The following TTYH2 variants were observed in gnomAD, a reference collection of about 807,000 sequenced individuals.
TTYH2 encodes the protein protein tweety homolog 2.
A neutral mutation model predicts 68.3 loss-of-function variants in TTYH2; 49 were observed. The observed-to-expected ratio is 0.72, with a 90% CI of 0.57 to 0.91. TTYH2 has a LOEUF of 0.91. TTYH2 is among the 40% of genes least tolerant of loss of function. The probability of loss-of-function intolerance (pLI) is 0.00; values close to 1 mark genes in which losing one functional copy is unlikely to be tolerated. For synonymous variants in TTYH2, 272 were observed against 300.8 expected (o/e 0.90, Z 0.99); for missense variants, 631 against 700.4 (o/e 0.90, Z 1.12).
chr17:74,249,091 ACT>A lies in TTYH2; in HGVS notation c.874+15_874+16del. 6.2e-7 allele frequency: 1 copy of A among 1,613,522 alleles called. No individual in the cohort carries two copies. The highest frequency in any genetic ancestry group is 8.5e-7 in the Non-Finnish European group (1 of 1,179,884). ...GCCAGATCAGCACAGGTAACTACAC[ACT>A]CTCAGGCTGCTGCTGTGGATGCATA... is the stretch of plus-strand genomic sequence containing the variant. On this transcript the variant is annotated intron_variant, in intron 7 of 13. Coordinates refer to ENST00000269346, the MANE Select transcript of TTYH2 (RefSeq NM_032646.6).
At position 74,253,804 on chromosome 17, in the gene TTYH2, C is replaced by T; in HGVS notation, c.1495C>T (p.Leu499=). The T allele has an allele frequency of 6.2e-7, 1 of 1,614,248 alleles. No homozygotes were observed. The highest frequency in any genetic ancestry group is 8.5e-7 in the Non-Finnish European group (1 of 1,180,036). ...GAACCCACGCTACGAGAACGTGCCA[C>T]TAATCGGGAGAGCCTCCCCTCCGCC... The part of the protein sequence containing the change: ...GRNPRYENVP[L]IGRASPPPTY... The change falls in exon 13 of 14, where the codon CTA becomes TTA. Residue 499 remains leucine, a synonymous_variant. Coordinates refer to ENST00000269346, the MANE Select transcript of TTYH2 (RefSeq NM_032646.6).
intron 13 of TTYH2, among the ~76,000 whole-genome samples, chr17:74,259,511 A>G (rs2050726250): frequency 6.6e-6 from 1 of 152,146 alleles, no homozygotes; most frequent in Non-Finnish European, 1.5e-5. Context: ...CACCACCGTT[A>G]TGTGCATTTT....
At chr17:74,227,132 G>A (rs2050338636) in intron 2 of TTYH2, among the ~76,000 whole-genome samples, 1 of 152,104 alleles carries the variant, frequency 6.6e-6, no homozygotes, top group African/African-American at 2.4e-5. Flanking sequence ...TCGCCACCAT[G>A]CCCCGCTAAT....
At chr17:74,221,300 G>T (rs1200180203) in intron 1 of TTYH2, among the ~76,000 whole-genome samples, 2 of 152,212 alleles carry the variant, frequency 1.3e-5, no homozygotes, top group Admixed American at 6.5e-5. Context: ...CTGTCCCCCT[G>T]GAAAATGGCC....
At chr17:74,252,418 G>A (rs1326471661) in intron 11 of TTYH2, 42 bp downstream of exon 11, 1 of 1,601,824 alleles carries the variant, frequency 6.2e-7, no homozygotes, top group Admixed American at 1.7e-5. Flanking sequence ...ACAGCCTGGA[G>A]TTCTGGGAGA....
At position 74,217,788 on chromosome 17, in the gene TTYH2, G is replaced by A. The variant is rs992667201; in HGVS notation, c.129+4072G>A. Among the ~76,000 whole-genome samples, 7 of 152,168 alleles carry A rather than the reference G, an allele frequency of 4.6e-5. No homozygotes were observed. In the South Asian group the frequency reaches 8.3e-4, roughly 18 times the overall value. ...TGGGTCCCGCTGCCATGGTCACTGCGGCCCCCAACTTGGGTCCCAGCTTGG... is the reference window on the plus strand; with the variant it reads ...TGGGTCCCGCTGCCATGGTCACTGCAGCCCCCAACTTGGGTCCCAGCTTGG... On this transcript the variant is annotated intron_variant, in intron 1 of 13. Coordinates refer to ENST00000269346, the MANE Select transcript of TTYH2 (RefSeq NM_032646.6). This position sits in a 1 kb window ranked among gnomAD's most constrained non-coding sequence, Gnocchi z 4.0.
At chr17:74,221,319 C>T (rs2050273521) in intron 1 of TTYH2, among the ~76,000 whole-genome samples, 1 of 152,200 alleles carries the variant, frequency 6.6e-6, no homozygotes, top group Non-Finnish European at 1.5e-5. Context: ...CCCCAAAGCC[C>T]CAGACTGCAG....
In TTYH2 at chr17:74,222,587, G is replaced by A. The variant is rs2050287175; in HGVS notation, c.232G>A (p.Ala78Thr). 4.3e-6 allele frequency: 7 copies of A among 1,612,440 alleles called. No homozygotes were observed. The highest frequency in any genetic ancestry group is 5.9e-6 in the Non-Finnish European group (7 of 1,180,018). Residue 78 changes from alanine to threonine, a missense_variant, in exon 2 of 14, where the codon GCG becomes ACG. Transcript: ENST00000269346. This position sits in a 1 kb window ranked among gnomAD's most constrained non-coding sequence, Gnocchi z 5.2. Reference sequence around the variant, plus strand: ...TGCATGCCACTGCCGGCGGGACGATGCGGTGCAGACCAAGCAGCACCACTC... The same window carrying A: ...TGCATGCCACTGCCGGCGGGACGATACGGTGCAGACCAAGCAGCACCACTC... ...VCACHCRRDDAVQTKQHHSCC... is the reference protein window; with the variant it reads ...VCACHCRRDDTVQTKQHHSCC...
At chr17:74,252,964 G>A in intron 11 of TTYH2, 117 bp from the exon 12 acceptor site, 1 of 1,083,052 alleles carries the variant, frequency 9.2e-7, no homozygotes, top group Non-Finnish European at 1.4e-6. Context: ...GGAGTCTCAA[G>A]GAGACACGCG....
At chr17:74,216,115 A>G (rs1022071237) in intron 1 of TTYH2, among the ~76,000 whole-genome samples, 4 of 152,366 alleles carry the variant, frequency 2.6e-5, no homozygotes, top group South Asian at 2.1e-4. Context: ...AGAGTCCCAT[A>G]GCACATAACA....
At position 74,213,831 on chromosome 17, in the gene TTYH2, G is replaced by A. The variant is rs1025215444; in HGVS notation, c.129+115G>A. ...TGCCTCTCAGACCCCTTCTCTCCCC[G>A]CGCAGCCCTTTCCCGTCTCCCCTCT... On this transcript the variant is annotated intron_variant, in intron 1 of 13. Coordinates refer to ENST00000269346, the MANE Select transcript of TTYH2 (RefSeq NM_032646.6). This position sits in a 1 kb window ranked among gnomAD's most constrained non-coding sequence, Gnocchi z 6.1. The A allele has an allele frequency of 1.5e-6, 2 of 1,331,584 alleles. No homozygotes were observed. Among genetic ancestry groups the A allele is most frequent in the South Asian group, 1.4e-5 (1 of 70,414 alleles). 82.5% of individuals were successfully genotyped at this position (1,331,584 alleles called of 1,614,324 possible). A position where few individuals can be genotyped will look rare whatever the true frequency, so the allele number is the denominator to read the frequency against.
In TTYH2 at chr17:74,237,143, G is replaced by T. The variant is rs149761683; in HGVS notation, c.415-151G>T. The T allele has an allele frequency of 4.2e-6, 3 of 715,662 alleles. No homozygotes were observed. The East Asian group carries it at 8.1e-5, about 19-fold the overall frequency. 44.3% of individuals were successfully genotyped at this position (715,662 alleles called of 1,614,324 possible). A position where few individuals can be genotyped will look rare whatever the true frequency, so the allele number is the denominator to read the frequency against. On this transcript the variant is annotated intron_variant, in intron 3 of 13. Coordinates refer to ENST00000269346, the MANE Select transcript of TTYH2 (RefSeq NM_032646.6). ...TCAAACTCCTGGGTTCAAGCAATCC[G>T]CCTGCCTCAGCCTCCCGAAGTGCTG...
In TTYH2 at chr17:74,217,579, A is replaced by G. The variant is rs1405213723; in HGVS notation, c.129+3863A>G. 6.6e-6 allele frequency among the ~76,000 whole-genome samples: 1 copy of G among 152,186 alleles called. No individual in the cohort carries two copies. Among genetic ancestry groups the G allele is most frequent in the East Asian group, 1.9e-4 (1 of 5,178 alleles). On this transcript the variant is annotated intron_variant, in intron 1 of 13. Coordinates refer to ENST00000269346, the MANE Select transcript of TTYH2 (RefSeq NM_032646.6). The surrounding 1 kb of genome is among the most constrained non-coding windows in gnomAD (Gnocchi z 4.0). ...TCCAGTGTGAAATTGAGTCACGGTC[A>G]TCAGACAGTCATGCCGCGCCTGGGA... is the stretch of plus-strand genomic sequence containing the variant.
chr17:74,251,531 A>G (rs543048026), intron 10 of TTYH2, among the ~76,000 whole-genome samples: 1 of 151,936 alleles, frequency 6.6e-6, no homozygotes, highest in African/African-American at 2.4e-5. Context: ...TTCCCCTTCT[A>G]CATCTAATCC....
chr17:74,243,426 G>A lies in TTYH2; in HGVS notation c.688G>A (p.Ala230Thr). ...CCTGGACCTGGTCATCTGCCTCATT[G>A]CCTGCCTGGGACTGGCCAAGCGCTC... ...FILDLVICLI[A>T]CLGLAKRSKC... Residue 230 changes from alanine (A) to threonine (T), a missense_variant, in exon 5 of 14, where the codon GCC becomes ACC. By Grantham distance (58) the Ala-to-Thr change is moderately conservative (BLOSUM62 0). Transcript: ENST00000269346. 3.1e-6 allele frequency: 5 copies of A among 1,614,172 alleles called. No homozygotes were observed. The highest frequency in any genetic ancestry group is 4.2e-6 in the Non-Finnish European group (5 of 1,180,016).
In TTYH2 at chr17:74,215,605, C is replaced by G. The variant is rs1243917937; in HGVS notation, c.129+1889C>G. ...CCAGCCCTGCCCACTGGCTCCTGGT[C>G]CCGCTCACCCCCTCACCACCACTCA... On this transcript the variant is annotated intron_variant, in intron 1 of 13. Coordinates refer to ENST00000269346, the MANE Select transcript of TTYH2 (RefSeq NM_032646.6). This position sits in a 1 kb window ranked among gnomAD's most constrained non-coding sequence, Gnocchi z 4.3. 3 of 1,534,536 alleles carry G rather than the reference C, an allele frequency of 2.0e-6. No individual in the cohort carries two copies. The Admixed American group carries it at 5.9e-5, about 30-fold the overall frequency.
intron 3 of TTYH2, among the ~76,000 whole-genome samples, chr17:74,234,297 G>A (rs976506023): frequency 5.3e-5 from 8 of 152,172 alleles, no homozygotes; most frequent in South Asian, 2.1e-4. Context: ...CCTGTAGCTC[G>A]TCCCTAAGTC....
At chr17:74,233,443 A>C (rs2050410255) in intron 3 of TTYH2, among the ~76,000 whole-genome samples, 1 of 152,212 alleles carries the variant, frequency 6.6e-6, no homozygotes. Flanking sequence ...TATGACTGTG[A>C]TTATGAGTGC....
intron 2 of TTYH2, among the ~76,000 whole-genome samples, chr17:74,229,493 G>A (rs2050365776): frequency 6.6e-6 from 1 of 151,656 alleles, no homozygotes; most frequent in Non-Finnish European, 1.5e-5. Flanking sequence ...CTGCCAGAAT[G>A]TGAGATGTCA....
Sources: gnomAD v4.1 joint callset for allele counts (sites outside exome capture counted in the v4.1 genomes callset) on GRCh38, gnomAD v4.1.1 for gene constraint, Gnocchi (gnomAD v3.1) non-coding constraint, MANE v1.5 for transcripts, NCBI Gene and HGNC (gene_info 2026-07-23, HGNC 2026-07-21) for gene names.